The following AEBP2 variants were observed in gnomAD, a reference collection of about 807,000 sequenced individuals.
AEBP2 encodes the protein zinc finger protein AEBP2.
A neutral mutation model predicts 50.8 loss-of-function variants in AEBP2; 10 were observed. The observed-to-expected ratio is 0.20, with a 90% CI of 0.12 to 0.33. The LOEUF (loss-of-function observed/expected upper bound fraction) is 0.33. Ranked by LOEUF, AEBP2 falls within the 10% of genes least tolerant of loss-of-function variation. AEBP2 has a pLI of 1.00. For missense variants in AEBP2, 570 were observed against 688.0 expected (o/e 0.83, Z 1.92); for synonymous variants, 296 against 261.3 (o/e 1.13, Z -1.28).
chr12:19,504,634 T>G (rs188337487), intron 5 of AEBP2, among the ~76,000 whole-genome samples: 1 of 152,168 alleles, frequency 6.6e-6, no homozygotes, highest in African/African-American at 2.4e-5. Context: ...GTATTTAGAT[T>G]GATATGTGTG....
At chr12:19,427,064 C>T (rs1266469292) in intron 1 of AEBP2, among the ~76,000 whole-genome samples, 1 of 152,088 alleles carries the variant, frequency 6.6e-6, no homozygotes, top group East Asian at 1.9e-4. Context: ...ATCCAACTGA[C>T]TGAGGATTCG....
At chr12:19,481,320 C>A (rs184168652) in intron 3 of AEBP2, among the ~76,000 whole-genome samples, 1 of 151,968 alleles carries the variant, frequency 6.6e-6, no homozygotes, top group East Asian at 1.9e-4. Context: ...CCAGGCTCGT[C>A]TTGAACTGCT....
intron 1 of AEBP2, among the ~76,000 whole-genome samples, chr12:19,408,154 A>G (rs1469649996): frequency 6.6e-6 from 1 of 152,206 alleles, no homozygotes; most frequent in African/African-American, 2.4e-5. Flanking sequence ...ACGTATGTGT[A>G]GCTACTTAAG....
chr12:19,504,160 C>A (rs1168707442), intron 5 of AEBP2, among the ~76,000 whole-genome samples: 1 of 150,786 alleles, frequency 6.6e-6, no homozygotes, highest in East Asian at 1.9e-4. Context: ...AATGTTGTCC[C>A]CTAACTTGAA....
At chr12:19,443,477 G>T (rs1948000766) in intron 1 of AEBP2, among the ~76,000 whole-genome samples, 1 of 151,908 alleles carries the variant, frequency 6.6e-6, no homozygotes, top group South Asian at 2.1e-4. Context: ...CCAGCACTTT[G>T]GGAGGCCGAG....
chr12:19,518,319 TA>T lies in AEBP2; in HGVS notation c.*203del. On this transcript the variant is annotated 3_prime_UTR_variant, in exon 8 of 8. Transcript: ENST00000266508. Reference sequence around the variant, plus strand: ...TAGACTCTTCGGTGGAATATATTAATATATTACTGTATATCCACATTTTCAT... The same window carrying T: ...TAGACTCTTCGGTGGAATATATTAATTATTACTGTATATCCACATTTTCAT... 7.9e-7 allele frequency: 1 copy of T among 1,264,490 alleles called. No homozygotes were observed. The highest frequency in any genetic ancestry group is 9.9e-7 in the Non-Finnish European group (1 of 1,005,932). The allele number at this position is 1,264,490 out of a possible 1,614,324, so 78.3% of individuals were successfully genotyped here.
At chr12:19,487,928 G>A (rs1948835800) in intron 3 of AEBP2, among the ~76,000 whole-genome samples, 1 of 151,998 alleles carries the variant, frequency 6.6e-6, no homozygotes, top group Admixed American at 6.6e-5. Context: ...TGTTTGTTTT[G>A]TGGTGCGCAA....
intron 1 of AEBP2, among the ~76,000 whole-genome samples, chr12:19,415,021 A>G (rs1256147759): frequency 6.6e-6 from 1 of 151,136 alleles, no homozygotes; most frequent in South Asian, 2.1e-4. Flanking sequence ...GTACTTTTCT[A>G]TCTATATGGA....
intron 1 of AEBP2, among the ~76,000 whole-genome samples, chr12:19,405,208 C>T (rs1243529532): frequency 6.6e-6 from 1 of 152,124 alleles, no homozygotes; most frequent in African/African-American, 2.4e-5. Flanking sequence ...GGGTTACAGG[C>T]GTGAGCCACC....
chr12:19,520,588 T>C lies in AEBP2; in HGVS notation c.*2471T>C, dbSNP rs1488010361. 6.6e-6 allele frequency: 1 copy of C among 152,222 alleles called. No individual in the cohort carries two copies. Among genetic ancestry groups the C allele is most frequent in the Non-Finnish European group, 1.5e-5 (1 of 68,046 alleles). 9.4% of individuals were successfully genotyped at this position (152,222 alleles called of 1,614,324 possible). On this transcript the variant is annotated 3_prime_UTR_variant, in exon 8 of 8. Coordinates refer to ENST00000266508, the MANE Select transcript of AEBP2 (RefSeq NM_153207.5). ...TTTATTAATGTCTGCCCATCTGTAT[T>C]GTTGCTCCTACCTTCAAATATGACA...
intron 1 of AEBP2, among the ~76,000 whole-genome samples, chr12:19,409,300 G>C (rs1592700626): frequency 6.6e-6 from 1 of 151,632 alleles, no homozygotes. Context: ...ATTCCCTTTG[G>C]GTCCTAATTA....
chr12:19,476,219 C>G (rs1009183326), intron 3 of AEBP2, among the ~76,000 whole-genome samples: 1 of 152,128 alleles, frequency 6.6e-6, no homozygotes, highest in African/African-American at 2.4e-5. Context: ...GTCTTTGCTC[C>G]ATCTTGAGTT....
intron 6 of AEBP2, among the ~76,000 whole-genome samples, chr12:19,513,949 T>A (rs1284338170): frequency 6.6e-6 from 1 of 151,516 alleles, no homozygotes; most frequent in South Asian, 2.1e-4. Context: ...TTATTTCTTT[T>A]TTTTTTTTTT....
At chr12:19,465,146 G>A (rs959693508) in intron 2 of AEBP2, among the ~76,000 whole-genome samples, 2 of 151,962 alleles carry the variant, frequency 1.3e-5, no homozygotes, top group African/African-American at 4.8e-5. Context: ...TATAATCCCA[G>A]CACTTTGGGA....
At chr12:19,463,627 T>G (rs1053799691) in intron 2 of AEBP2, among the ~76,000 whole-genome samples, 3 of 150,690 alleles carry the variant, frequency 2.0e-5, no homozygotes, top group Non-Finnish European at 4.4e-5. Flanking sequence ...TCCAACCGGG[T>G]CAACGTTTCT....
At chr12:19,440,654 A>T in intron 1 of AEBP2, 1 of 1,530,872 alleles carries the variant, frequency 6.5e-7, no homozygotes, top group Non-Finnish European at 8.7e-7. Context: ...CTAACTCGGA[A>T]ACAGTCCCCA....
chr12:19,479,359 T>C (rs1488156478), intron 3 of AEBP2, among the ~76,000 whole-genome samples: 2 of 152,160 alleles, frequency 1.3e-5, no homozygotes, highest in Non-Finnish European at 2.9e-5. Context: ...CCCACTATTA[T>C]TTGGAAAACT....
At chr12:19,509,332 A>C (rs1471843440) in intron 5 of AEBP2, 2 of 200,386 alleles carry the variant, frequency 1.0e-5, no homozygotes, top group Non-Finnish European at 2.0e-5. Flanking sequence ...TTGGTTGGCT[A>C]AGCTAAGCCA....
Position 19,520,435 on chromosome 12 carries a change from T to C in AEBP2, c.*2318T>C, listed in dbSNP as rs1462395046. 1.3e-5 allele frequency: 2 copies of C among 152,230 alleles called. No individual in the cohort carries two copies. The highest frequency in any genetic ancestry group is 4.8e-5 in the African/African-American group (2 of 41,462). The allele number at this position is 152,230 out of a possible 1,614,324, so 9.4% of individuals were successfully genotyped here. On this transcript the variant is annotated 3_prime_UTR_variant, in exon 8 of 8. Transcript: ENST00000266508. ...TGCTTATCTGATGTTGGTTTGATAC[T>C]GTTAACACACCAAAAAGAATATGGA... is the stretch of plus-strand genomic sequence containing the variant.
Sources: allele counts gnomAD v4.1 joint callset (sites outside exome capture counted in the v4.1 genomes callset), GRCh38; gene constraint gnomAD v4.1.1; transcripts MANE v1.5; gene names NCBI Gene and HGNC (gene_info 2026-07-23, HGNC 2026-07-21).